The following NMUR2 variants were observed in gnomAD, a reference collection of about 807,000 sequenced individuals.
NMUR2 encodes the protein neuromedin-U receptor 2.
In NMUR2, 24 loss-of-function variants were observed where a neutral mutation model predicts 25.1. The observed-to-expected ratio is 0.96, with a 90% CI of 0.69 to 1.34. The LOEUF is 1.34. NMUR2 is among the 40% of genes most tolerant of loss of function. NMUR2 has a pLI of 0.00. For missense variants in NMUR2, 533 were observed against 512.8 expected (o/e 1.04, Z -0.38); for synonymous variants, 218 against 208.1 (o/e 1.05, Z -0.41).
Position 152,395,443 on chromosome 5 carries a change from C to G in NMUR2, c.937+16G>C, listed in dbSNP as rs757154487. ...CCTGAATACTAGTCATGCACCAAATCCAGCTAAGGTTTTACCTGACACCAC... is the reference window on the plus strand; with the variant it reads ...CCTGAATACTAGTCATGCACCAAATGCAGCTAAGGTTTTACCTGACACCAC... On this transcript the variant is annotated intron_variant, in intron 3 of 3. Coordinates refer to ENST00000255262, the MANE Select transcript of NMUR2 (RefSeq NM_020167.5). 1 of 1,613,088 alleles carries G rather than the reference C, an allele frequency of 6.2e-7. No individual in the cohort carries two copies. Among genetic ancestry groups the G allele is most frequent in the Non-Finnish European group, 8.5e-7 (1 of 1,179,416 alleles).
chr5:152,397,010 A>ATTTTTT (rs1308899005), intron 2 of NMUR2, among the ~76,000 whole-genome samples: 2 of 103,172 alleles, frequency 1.9e-5, no homozygotes, highest in Admixed American at 1.2e-4. Context: ...AGTGAGCTTC[A>ATTTTTT]TGTTTTTTTT....
chr5:152,392,162 G>A lies in NMUR2; in HGVS notation c.*29C>T, dbSNP rs764107238. On this transcript the variant is annotated 3_prime_UTR_variant, in exon 4 of 4. Coordinates refer to ENST00000255262, the MANE Select transcript of NMUR2 (RefSeq NM_020167.5). ...GGATGTTCCTCTCTGAAGTTTTGAGGCATAGAGGAGAGTCAGCTCTGAAAG... is the reference window on the plus strand; with the variant it reads ...GGATGTTCCTCTCTGAAGTTTTGAGACATAGAGGAGAGTCAGCTCTGAAAG... The A allele has an allele frequency of 5.2e-5, 81 of 1,564,972 alleles. 2 individuals carry two copies. The South Asian group carries it at 9.4e-4, about 18-fold the overall frequency.
intron 1 of NMUR2, among the ~76,000 whole-genome samples, chr5:152,403,787 G>A (rs1753298120): frequency 6.7e-6 from 1 of 149,966 alleles, no homozygotes; most frequent in African/African-American, 2.5e-5. Flanking sequence ...GTTTTATTTT[G>A]TTTTGTTTCA....
chr5:152,401,563 T>G (rs983916614), intron 1 of NMUR2, among the ~76,000 whole-genome samples: 8 of 152,220 alleles, frequency 5.3e-5, no homozygotes, highest in Admixed American at 1.3e-4. Flanking sequence ...AGTGCAACCC[T>G]GTGTTGGCAT....
At chr5:152,398,266 T>C (rs1463290596) in intron 1 of NMUR2, 122 bp from the exon 2 acceptor site, 15 of 669,538 alleles carry the variant, frequency 2.2e-5, no homozygotes, top group Non-Finnish European at 3.6e-5. Flanking sequence ...CCTAGAGAAA[T>C]GTAAGACTAC....
chr5:152,404,769 C>A lies in NMUR2; in HGVS notation c.345G>T (p.Gly115=). 2 of 1,614,126 alleles carry A rather than the reference C, an allele frequency of 1.2e-6. No individual in the cohort carries two copies. Among genetic ancestry groups the A allele is most frequent in the Non-Finnish European group, 1.7e-6 (2 of 1,180,042 alleles). The change falls in exon 1 of 4, where the codon GGG becomes GGT. Residue 115 remains glycine (G), a synonymous_variant. Coordinates refer to ENST00000255262, the MANE Select transcript of NMUR2 (RefSeq NM_020167.5). ...EMWRNYPFLF[G]PVGCYFKTAL... Reference sequence around the variant, plus strand: ...CCGTCTTGAAGTAGCAGCCCACGGGCCCGAACAAGAAAGGGTAGTTGCGCC... The same window carrying A: ...CCGTCTTGAAGTAGCAGCCCACGGGACCGAACAAGAAAGGGTAGTTGCGCC...
At chr5:152,394,628 C>T (rs1374972060) in intron 3 of NMUR2, among the ~76,000 whole-genome samples, 1 of 152,148 alleles carries the variant, frequency 6.6e-6, no homozygotes, top group African/African-American at 2.4e-5. Context: ...AGTTAGATGA[C>T]TTGGGTGGGT....
rs141825293 is a variant in NMUR2, at chr5:152,404,697, G to T, written c.417C>A (p.Thr139=). ...VCFASILSIT[T]VSVERYVAIL... ...TGGCCACGTAGCGCTCCACGCTGAC[G>T]GTGGTGATGCTGAGGATGGAGGCGA... The change falls in exon 1 of 4, where the codon ACC becomes ACA. Residue 139 remains threonine (T), a synonymous_variant. Transcript: ENST00000255262. The T allele has an allele frequency of 9.3e-6, 15 of 1,614,118 alleles. No individual in the cohort carries two copies. Among genetic ancestry groups the T allele is most frequent in the Non-Finnish European group, 1.3e-5 (15 of 1,180,028 alleles).
At position 152,391,628 on chromosome 5, in the gene NMUR2, A is replaced by AAAT. The variant is rs1270531785; in HGVS notation, c.*562_*563insATT. On this transcript the variant is annotated 3_prime_UTR_variant, in exon 4 of 4. Coordinates refer to ENST00000255262, the MANE Select transcript of NMUR2 (RefSeq NM_020167.5). Reference sequence around the variant, plus strand: ...TGAGCACATGCCTTTGGGAAGAAAGATGCCAGCAGATTTGCTCAACAGCAT... The same window carrying AAAT: ...TGAGCACATGCCTTTGGGAAGAAAGAAATTGCCAGCAGATTTGCTCAACAGCAT... 1 of 153,072 alleles carries AAAT rather than the reference A, an allele frequency of 6.5e-6. No individual in the cohort carries two copies. Among genetic ancestry groups the AAAT allele is most frequent in the African/African-American group, 2.4e-5 (1 of 41,462 alleles). 9.5% of individuals were successfully genotyped at this position (153,072 alleles called of 1,614,324 possible).
intron 3 of NMUR2, among the ~76,000 whole-genome samples, chr5:152,394,699 G>C (rs1210519704): frequency 1.3e-5 from 2 of 152,148 alleles, no homozygotes; most frequent in Non-Finnish European, 2.9e-5. Flanking sequence ...TTTTATTTTT[G>C]ACTATACAAT....
In NMUR2 at chr5:152,392,054, A is replaced by C; in HGVS notation, c.*137T>G. On this transcript the variant is annotated 3_prime_UTR_variant, in exon 4 of 4. Transcript: ENST00000255262. The stretch of plus-strand genomic sequence containing the variant: ...TAACTCTCAGTTTTCACGTTTATTA[A>C]AAAAAAAAAAACTAGCAATGGGTAC... The C allele has an allele frequency of 1.7e-6, 1 of 590,386 alleles. No homozygotes were observed. Among genetic ancestry groups the C allele is most frequent in the Non-Finnish European group, 2.7e-6 (1 of 367,746 alleles). The allele number at this position is 590,386 out of a possible 1,614,324, so 36.6% of individuals were successfully genotyped here.
chr5:152,394,303 T>C (rs1220295519), intron 3 of NMUR2, among the ~76,000 whole-genome samples: 6 of 152,202 alleles, frequency 3.9e-5, no homozygotes, highest in Admixed American at 3.9e-4. Flanking sequence ...GAATAAGCTA[T>C]ACATTAGGCC....
intron 3 of NMUR2, among the ~76,000 whole-genome samples, chr5:152,393,157 C>G (rs1185405505): frequency 6.6e-6 from 1 of 152,184 alleles, no homozygotes; most frequent in Non-Finnish European, 1.5e-5. Context: ...CCAAAATCAG[C>G]CCAAGTTTGG....
intron 1 of NMUR2, among the ~76,000 whole-genome samples, chr5:152,401,765 G>A (rs1275174035): frequency 6.6e-6 from 1 of 152,186 alleles, no homozygotes; most frequent in Non-Finnish European, 1.5e-5. Flanking sequence ...TGGTGGCTGT[G>A]TCCTGGAATG....
At chr5:152,404,341 A>G in intron 1 of NMUR2, 47 bp downstream of exon 1, 1 of 1,536,498 alleles carries the variant, frequency 6.5e-7, no homozygotes, top group Non-Finnish European at 8.7e-7. Context: ...TGAGCCTGTG[A>G]AAAAAGAAGG....
In NMUR2 at chr5:152,405,121, C is replaced by T. The variant is rs780865825; in HGVS notation, c.-8G>A. On this transcript the variant is annotated 5_prime_UTR_variant, in exon 1 of 4. Transcript: ENST00000255262. The stretch of plus-strand genomic sequence containing the variant: ...TTTTTCCATCCCTGACATTAAAATC[C>T]AAGGCCTGAGCCTCCCCTGGTACGA... 30 of 1,596,480 alleles carry T rather than the reference C, an allele frequency of 1.9e-5. No individual in the cohort carries two copies. Among genetic ancestry groups the T allele is most frequent in the Non-Finnish European group, 2.4e-5 (28 of 1,170,454 alleles).
chr5:152,392,887 G>A (rs889300047), intron 3 of NMUR2, among the ~76,000 whole-genome samples: 33 of 152,072 alleles, frequency 2.2e-4, no homozygotes, highest in African/African-American at 7.7e-4. Flanking sequence ...CTATAATTTG[G>A]GATTGCAAGT....
rs370103674 is a variant in NMUR2 at position 152,392,252 on chromosome 5, G to A, written c.1187C>T (p.Ala396Val). The A allele has an allele frequency of 1.4e-5, 22 of 1,613,786 alleles. No homozygotes were observed. The highest frequency in any genetic ancestry group is 1.4e-5 in the Non-Finnish European group (17 of 1,179,764). Residue 396 changes from alanine (A) to valine (V), a missense_variant, in exon 4 of 4, where the codon GCC becomes GTC. By Grantham distance (64) the Ala-to-Val change is moderately conservative. Transcript: ENST00000255262. ...TCTTGACATCTGTTCACTAGAGAGG[G>A]CTGCTGGGAGGTGAGAGTTGTGCAT... The part of the protein sequence containing the change: ...SSMHNSHLPA[A>V]LSSEQMSRTN...
At chr5:152,398,172 A>G (rs981307944) in intron 1 of NMUR2, 28 bp from the exon 2 acceptor site, 1 of 1,503,072 alleles carries the variant, frequency 6.7e-7, no homozygotes, top group Non-Finnish European at 9.2e-7. Context: ...TGGGAGAGAT[A>G]GTAAGAAAGA....
Sources: gnomAD v4.1 joint callset for allele counts (sites outside exome capture counted in the v4.1 genomes callset) on GRCh38, gnomAD v4.1.1 for gene constraint, MANE v1.5 for transcripts, NCBI Gene and HGNC (gene_info 2026-07-23, HGNC 2026-07-21) for gene names.